The following MXRA8 variants were observed in gnomAD, a reference collection of about 807,000 sequenced individuals.
The protein encoded by MXRA8 is matrix remodeling associated 8.
In MXRA8, 44 loss-of-function variants were observed where a neutral mutation model predicts 51.4. The observed-to-expected ratio is 0.86, with a 90% CI of 0.67 to 1.10. MXRA8 has a LOEUF of 1.10. Ranked by LOEUF, MXRA8 falls within the 50% of genes least tolerant of loss-of-function variation. The probability of loss-of-function intolerance (pLI) is 0.00; values close to 1 mark genes in which losing one functional copy is unlikely to be tolerated. For missense variants in MXRA8, 765 were observed against 638.9 expected (o/e 1.20, Z -2.13); for synonymous variants, 369 against 293.5 (o/e 1.26, Z -2.63).
At chr1:1,363,112 A>T (rs531912376), upstream of MXRA8, among the ~76,000 whole-genome samples, 175 of 151,702 alleles carry the variant, frequency 1.2e-3, no homozygotes, top group African/African-American at 4.0e-3. Context: ...GTGAAACCCC[A>T]TCTCTACTAA....
At position 1,354,237 on chromosome 1, in the gene MXRA8, G is replaced by A. The variant is rs750774217; in HGVS notation, c.1106-5C>T. 3 of 1,612,046 alleles carry A rather than the reference G, an allele frequency of 1.9e-6. No homozygotes were observed. Among genetic ancestry groups the A allele is most frequent in the East Asian group, 4.5e-5 (2 of 44,856 alleles). ...TCTGGTCCGAGTATTCGTAGCCTGG[G>A]AAGGAGACTCACATTGGGGGCAGTG... On this transcript the variant is annotated splice_region_variant and splice_polypyrimidine_tract_variant and intron_variant, in intron 6 of 9. Coordinates refer to ENST00000309212, the MANE Select transcript of MXRA8 (RefSeq NM_032348.4).
upstream of MXRA8, among the ~76,000 whole-genome samples, chr1:1,361,084 G>A (rs766549689): frequency 2.2e-4 from 33 of 150,218 alleles, no homozygotes; most frequent in Non-Finnish European, 4.0e-4. Context: ...ACAGACATGC[G>A]CACACACGAC....
intron 1 of MXRA8, among the ~76,000 whole-genome samples, 159 bp from the exon 2 acceptor site, chr1:1,356,863 C>T (rs1377355421): frequency 6.6e-6 from 1 of 152,112 alleles, no homozygotes; most frequent in Non-Finnish European, 1.5e-5. Flanking sequence ...CTACATAGCC[C>T]TCCCTGCCAC....
At chr1:1,361,587 CTG>C (rs898240604), upstream of MXRA8, 47 of 458,502 alleles carry the variant, frequency 1.0e-4, no homozygotes, top group South Asian at 9.9e-4. Context: ...GCCAGGGACC[CTG>C]TGTGTGTGGT....
At chr1:1,357,247 G>A (rs559607403) in intron 1 of MXRA8, among the ~76,000 whole-genome samples, 1 of 152,310 alleles carries the variant, frequency 6.6e-6, no homozygotes, top group Admixed American at 6.5e-5. Context: ...TCTCATTGTC[G>A]TAGGCCGCCT....
chr1:1,355,894 A>T, intron 2 of MXRA8, 142 bp from the exon 3 acceptor site: 5 of 126,270 alleles, frequency 4.0e-5, no homozygotes, highest in Non-Finnish European at 5.1e-5. Flanking sequence ...CTGGTGGTGG[A>T]GGGGAAGTCC....
intron 1 of MXRA8, among the ~76,000 whole-genome samples, chr1:1,357,240 CATT>C (rs1204314098): frequency 6.6e-5 from 10 of 152,204 alleles, no homozygotes; most frequent in African/African-American, 2.4e-4. Context: ...GAGGGACTCT[CATT>C]GTCGTAGGCC....
Position 1,353,563 on chromosome 1 carries a change from A to G in MXRA8, c.*41T>C. On this transcript the variant is annotated 3_prime_UTR_variant, in exon 10 of 10. Coordinates refer to ENST00000309212, the MANE Select transcript of MXRA8 (RefSeq NM_032348.4). ...AGATGCCCCGAGGAGCACAGACAGG[A>G]GAGGTGCAGCTGCTGGCCCAGCCAG... 1.3e-6 allele frequency: 2 copies of G among 1,553,648 alleles called. No homozygotes were observed. Among genetic ancestry groups the G allele is most frequent in the Non-Finnish European group, 1.7e-6 (2 of 1,148,464 alleles).
At position 1,356,581 on chromosome 1, in the gene MXRA8, G is replaced by T. The variant is rs1644137705; in HGVS notation, c.73+100C>A. On this transcript the variant is annotated intron_variant, in intron 2 of 9. Transcript: ENST00000309212. ...CCTGATGAGCAAGGGGGAATCAGTG[G>T]GGGAGGGGCAGGGCCTGAGGACCCC... 3.8e-6 allele frequency: 3 copies of T among 795,186 alleles called. No homozygotes were observed. The Admixed American group carries it at 1.2e-4, about 32-fold the overall frequency. 49.3% of individuals were successfully genotyped at this position (795,186 alleles called of 1,614,324 possible). A position where few individuals can be genotyped will look rare whatever the true frequency, so the allele number is the denominator to read the frequency against.
chr1:1,353,100 G>T lies in MXRA8; in HGVS notation c.*504C>A. The T allele has an allele frequency of 1.5e-6, 1 of 655,166 alleles. No homozygotes were observed. The allele number at this position is 655,166 out of a possible 1,614,324, so 40.6% of individuals were successfully genotyped here. A position where few individuals can be genotyped will look rare whatever the true frequency, so the allele number is the denominator to read the frequency against. ...CAGGTGGGGGAGCTCTCGGTGGCAG[G>T]CAGCACCCCAGGAGGAGTGGGACTC... On this transcript the variant is annotated 3_prime_UTR_variant, in exon 10 of 10. Coordinates refer to ENST00000309212, the MANE Select transcript of MXRA8 (RefSeq NM_032348.4).
At chr1:1,359,460 C>G (rs902013845), upstream of MXRA8, 8 of 985,364 alleles carry the variant, frequency 8.1e-6, no homozygotes, top group African/African-American at 1.2e-4. Context: ...AAAAAACAAT[C>G]TGAACAACCA....
upstream of MXRA8, among the ~76,000 whole-genome samples, chr1:1,363,293 C>A (rs1644239658): frequency 6.6e-6 from 1 of 151,818 alleles, no homozygotes; most frequent in East Asian, 1.9e-4. Context: ...AAAAACAAAA[C>A]AAAAGGACAG....
chr1:1,355,748 G>A lies in MXRA8; in HGVS notation c.78C>T (p.Ser26=). The change falls in exon 3 of 10, where the codon TCC becomes TCT. Residue 26 remains serine, a synonymous_variant. Coordinates refer to ENST00000309212, the MANE Select transcript of MXRA8 (RefSeq NM_032348.4). ...AGCTGCCAGCAGCGGCGGGTACCGA[G>A]GACCCTGGTGGGGGAGGGGAGTCGG... The part of the protein sequence containing the change: ...QSSAVLLHSG[S]SVPAAAGSSV... 1 of 1,294,464 alleles carries A rather than the reference G, an allele frequency of 7.7e-7. No individual in the cohort carries two copies. The highest frequency in any genetic ancestry group is 9.7e-7 in the Non-Finnish European group (1 of 1,026,532). 80.2% of individuals were successfully genotyped at this position (1,294,464 alleles called of 1,614,324 possible). A position where few individuals can be genotyped will look rare whatever the true frequency, so the allele number is the denominator to read the frequency against.
chr1:1,358,063 C>G (rs566784438), intron 1 of MXRA8, among the ~76,000 whole-genome samples: 1 of 152,290 alleles, frequency 6.6e-6, no homozygotes, highest in South Asian at 2.1e-4. Context: ...AGGAATGTGC[C>G]CGGTCAGCAG....
chr1:1,356,021 G>C (rs1485838921), intron 2 of MXRA8, among the ~76,000 whole-genome samples: 1 of 109,650 alleles, frequency 9.1e-6, no homozygotes, highest in African/African-American at 3.7e-5. Context: ...GGCGGGCTCT[G>C]AGGACCCTGG....
Position 1,355,554 on chromosome 1 carries a change from A to T in MXRA8, c.272T>A (p.Leu91Ter). 6.7e-7 allele frequency: 1 copy of T among 1,490,014 alleles called. No individual in the cohort carries two copies. Among genetic ancestry groups the T allele is most frequent in the South Asian group, 1.3e-5 (1 of 79,260 alleles). 92.3% of individuals were successfully genotyped at this position (1,490,014 alleles called of 1,614,324 possible). A position where few individuals can be genotyped will look rare whatever the true frequency, so the allele number is the denominator to read the frequency against. The change falls in exon 3 of 10, where the codon TTG becomes TAG. Residue 91 changes from leucine to a stop codon, truncating the protein, a stop_gained. Coordinates refer to ENST00000309212, the MANE Select transcript of MXRA8 (RefSeq NM_032348.4). LOFTEE classifies it high-confidence loss of function. ...CACGCGCTGCTCGCCCGCCGAGTACAAGTCCAGCAGGCGCCGCGCGGGGCC... is the reference window on the plus strand; with the variant it reads ...CACGCGCTGCTCGCCCGCCGAGTACTAGTCCAGCAGGCGCCGCGCGGGGCC... ...GGGPARRLLD[L>*]YSAGEQRVYE...
chr1:1,360,544 G>C (rs1226184328), upstream of MXRA8, among the ~76,000 whole-genome samples: 1 of 151,158 alleles, frequency 6.6e-6, no homozygotes, highest in African/African-American at 2.4e-5. Flanking sequence ...TTAATTCCCA[G>C]CCTGGCCTGG....
intron 5 of MXRA8, 28 bp from the exon 6 acceptor site, chr1:1,354,537 G>C (rs776014335): frequency 1.1e-5 from 17 of 1,606,744 alleles, no homozygotes; most frequent in Non-Finnish European, 1.4e-5. Context: ...TCGGGGCGGC[G>C]TCAGGTACCA....
rs2100798761 is a variant in MXRA8, at chr1:1,354,014, C to T, written c.1222+16G>A. On this transcript the variant is annotated intron_variant, in intron 8 of 9. Coordinates refer to ENST00000309212, the MANE Select transcript of MXRA8 (RefSeq NM_032348.4). ...GGGAGCCGCGCCTGTGCCCTCGTGT[C>T]CCAGCACTGCCTCACCTAGCTGGAT... is the stretch of plus-strand genomic sequence containing the variant. 2.5e-6 allele frequency: 4 copies of T among 1,612,556 alleles called. No homozygotes were observed. Among genetic ancestry groups the T allele is most frequent in the East Asian group, 2.2e-5 (1 of 44,884 alleles).
Sources: gnomAD v4.1 joint callset for allele counts (sites outside exome capture counted in the v4.1 genomes callset) on GRCh38, gnomAD v4.1.1 for gene constraint, MANE v1.5 for transcripts, NCBI Gene and HGNC (gene_info 2026-07-23, HGNC 2026-07-21) for gene names.